Variants in NTRK2 observed in about 807,000 individuals in gnomAD.
NTRK2 encodes BDNF/NT-3 growth factors receptor.
A neutral mutation model predicts 94.5 loss-of-function variants in NTRK2; 13 were observed. The observed-to-expected ratio is 0.14, with a 90% CI of 0.09 to 0.22. The LOEUF (loss-of-function observed/expected upper bound fraction) is 0.22. Ranked by LOEUF, NTRK2 falls within the 10% of genes least tolerant of loss-of-function variation. The pLI is 1.00. For missense variants in NTRK2, 639 were observed against 1,071.2 expected (o/e 0.60, Z 5.63); for synonymous variants, 372 against 407.4 (o/e 0.91, Z 1.05).
chr9:84,812,283 G>A, intron 12 of NTRK2: 1 of 1,056,582 alleles, frequency 9.5e-7, no homozygotes, highest in Non-Finnish European at 1.1e-6. Context: ...ATACGTTATT[G>A]CTTGATGAAG....
At chr9:84,680,090 T>A (rs1251714673) in intron 2 of NTRK2, among the ~76,000 whole-genome samples, 1 of 152,146 alleles carries the variant, frequency 6.6e-6, no homozygotes, top group Non-Finnish European at 1.5e-5. Context: ...CTCATCAAGT[T>A]GTCTTTTCAT....
intron 12 of NTRK2, among the ~76,000 whole-genome samples, chr9:84,799,676 T>A (rs887166118): frequency 1.3e-5 from 2 of 152,172 alleles, no homozygotes; most frequent in African/African-American, 4.8e-5. Flanking sequence ...GAGGGCATTT[T>A]CACTATAGTT....
At chr9:84,885,836 A>G (rs2076396272) in intron 14 of NTRK2, among the ~76,000 whole-genome samples, 1 of 152,154 alleles carries the variant, frequency 6.6e-6, no homozygotes, top group Non-Finnish European at 1.5e-5. Context: ...GTTCAAGACC[A>G]GCCTGACCAA....
intron 12 of NTRK2, among the ~76,000 whole-genome samples, chr9:84,766,880 C>G (rs1234066889): frequency 6.6e-6 from 1 of 152,136 alleles, no homozygotes; most frequent in Admixed American, 6.6e-5. Context: ...TCGACACACA[C>G]ATACACACAA....
At chr9:84,879,986 A>AT (rs2076207492) in intron 14 of NTRK2, among the ~76,000 whole-genome samples, 1 of 152,248 alleles carries the variant, frequency 6.6e-6, no homozygotes, top group South Asian at 2.1e-4. Context: ...TCTTTAAGAA[A>AT]TATTAAATGA....
intron 17 of NTRK2, among the ~76,000 whole-genome samples, chr9:84,970,826 A>G (rs1159696111): frequency 2.6e-5 from 4 of 152,160 alleles, no homozygotes; most frequent in African/African-American, 9.7e-5. Context: ...TCATCACTGC[A>G]TTTTCTAAGT....
chr9:84,718,394 G>A (rs2131941099), intron 6 of NTRK2, among the ~76,000 whole-genome samples: 1 of 152,172 alleles, frequency 6.6e-6, no homozygotes, highest in Non-Finnish European at 1.5e-5. Flanking sequence ...TTGTGTGTAT[G>A]AATATTCTTA....
intron 12 of NTRK2, among the ~76,000 whole-genome samples, chr9:84,798,057 A>G (rs896899145): frequency 1.3e-5 from 2 of 150,798 alleles, no homozygotes; most frequent in East Asian, 3.9e-4. Flanking sequence ...GATAAACAAC[A>G]GAAATTTATT....
chr9:84,819,256 CAT>C (rs998623887), intron 12 of NTRK2, among the ~76,000 whole-genome samples: 1 of 152,150 alleles, frequency 6.6e-6, no homozygotes. Context: ...TATATAGAAA[CAT>C]AGGCCACGGC....
intron 9 of NTRK2, among the ~76,000 whole-genome samples, chr9:84,730,929 T>C (rs1433608648): frequency 1.3e-5 from 2 of 152,062 alleles, no homozygotes; most frequent in Non-Finnish European, 2.9e-5. Flanking sequence ...CTCTCACAAA[T>C]ATTTTTTATA....
At chr9:84,731,130 C>T (rs1316619790) in intron 9 of NTRK2, among the ~76,000 whole-genome samples, 1 of 152,146 alleles carries the variant, frequency 6.6e-6, no homozygotes, top group Non-Finnish European at 1.5e-5. Context: ...ATGTGCACCT[C>T]ATTCAGCTTA....
At chr9:84,891,663 A>C (rs1387351303) in intron 14 of NTRK2, among the ~76,000 whole-genome samples, 1 of 152,208 alleles carries the variant, frequency 6.6e-6, no homozygotes, top group Non-Finnish European at 1.5e-5. Flanking sequence ...AGTAGAATAC[A>C]GATGGTTAGT....
intron 14 of NTRK2, among the ~76,000 whole-genome samples, chr9:84,884,566 G>A (rs1283845184): frequency 1.3e-5 from 2 of 152,148 alleles, no homozygotes; most frequent in African/African-American, 2.4e-5. Context: ...TGAACATGAG[G>A]ACATTTTTGC....
At chr9:84,710,903 A>C in intron 6 of NTRK2, 112 bp downstream of exon 6, 1 of 1,015,528 alleles carries the variant, frequency 9.8e-7, no homozygotes, top group Non-Finnish European at 1.5e-6. Flanking sequence ...TATTCTGTTG[A>C]TGTCTCCAGT....
intron 17 of NTRK2, among the ~76,000 whole-genome samples, chr9:84,994,657 A>C (rs1829521484): frequency 6.6e-6 from 1 of 152,190 alleles, no homozygotes; most frequent in African/African-American, 2.4e-5. Flanking sequence ...TAGACTTTGG[A>C]ATTCAAGCAT....
intron 17 of NTRK2, among the ~76,000 whole-genome samples, chr9:84,959,557 C>T (rs946466387): frequency 3.9e-5 from 6 of 152,206 alleles, no homozygotes; most frequent in African/African-American, 9.7e-5. Flanking sequence ...ATGGCTGCCT[C>T]CAGGCGTCCA....
rs150358579 is a variant in NTRK2 at position 84,800,274 on chromosome 9, C to A, written c.1396+48189C>A. ...CTGGAGTGCAATGGCATGATTTAGG[C>A]CCACTGCAACCTGTGCCTCCTGGGT... On this transcript the variant is annotated intron_variant, in intron 12 of 18. Coordinates refer to ENST00000277120, the MANE Select transcript of NTRK2 (RefSeq NM_006180.6). 6.7e-3 allele frequency among the ~76,000 whole-genome samples: 1,023 copies of A among 152,018 alleles called. 5 individuals are homozygous for A. The highest frequency in any genetic ancestry group is 0.012 in the Non-Finnish European group (807 of 67,988).
At chr9:84,898,589 C>A (rs1436135252) in intron 14 of NTRK2, among the ~76,000 whole-genome samples, 19 of 151,830 alleles carry the variant, frequency 1.3e-4, no homozygotes, top group Admixed American at 1.1e-3. Context: ...ATGAGGCAAC[C>A]AAAGCCCAGG....
chr9:84,978,215 G>A (rs994635349), intron 17 of NTRK2, among the ~76,000 whole-genome samples: 2 of 152,174 alleles, frequency 1.3e-5, no homozygotes, highest in African/African-American at 4.8e-5. Context: ...GAAAGCCATG[G>A]TAGGTGAAAA....
Sources: allele counts gnomAD v4.1 joint callset (sites outside exome capture counted in the v4.1 genomes callset), GRCh38; gene constraint gnomAD v4.1.1; transcripts MANE v1.5; gene names NCBI Gene and HGNC (gene_info 2026-07-23, HGNC 2026-07-21).